Variants in LUZP2 observed in about 807,000 individuals in gnomAD.
LUZP2 encodes leucine zipper protein 2.
LUZP2 carries 52 observed loss-of-function variants against 51.6 expected under a neutral mutation model. That is an observed-to-expected ratio of 1.01 (90% CI 0.81 to 1.27). The LOEUF (loss-of-function observed/expected upper bound fraction) is 1.27, where lower values mean the gene tolerates loss of function less well. Ranked by LOEUF, LUZP2 falls within the 50% of genes most tolerant of loss-of-function variation. The probability of loss-of-function intolerance (pLI) is 0.00; values close to 1 mark genes in which losing one functional copy is unlikely to be tolerated. For missense variants in LUZP2, 436 were observed against 395.4 expected, an observed-to-expected ratio of 1.10 and a Z score of -0.87; for synonymous variants, 154 against 137.3, an observed-to-expected ratio of 1.12 and a Z score of -0.85.
intron 9 of LUZP2, among the ~76,000 whole-genome samples, chr11:24,990,986 A>G (rs1018129278): frequency 2.0e-5 from 3 of 151,540 alleles, no homozygotes; most frequent in African/African-American, 4.9e-5. Context: ...TTTTATTTCC[A>G]TAGGTTATTG....
At chr11:24,830,023 T>A (rs7938399) in intron 5 of LUZP2, among the ~76,000 whole-genome samples, 6,038 of 152,150 alleles carry the variant, frequency 0.04, 394 homozygotes, top group African/African-American at 0.14. Flanking sequence ...GTGAAATAGT[T>A]AAAAACTTAA....
intron 1 of LUZP2, among the ~76,000 whole-genome samples, chr11:24,683,831 T>A (rs1742879783): frequency 6.6e-6 from 1 of 152,152 alleles, no homozygotes; most frequent in South Asian, 2.1e-4. Context: ...AAATCTCAGT[T>A]CATGCTGTTT....
At chr11:25,046,194 A>G (rs1858300948) in intron 9 of LUZP2, among the ~76,000 whole-genome samples, 1 of 145,106 alleles carries the variant, frequency 6.9e-6, no homozygotes, top group Non-Finnish European at 1.5e-5. Context: ...AATGCTTGGG[A>G]TATACCATAC....
chr11:24,880,846 CTTAT>C (rs1241364396), intron 5 of LUZP2, among the ~76,000 whole-genome samples: 7 of 152,034 alleles, frequency 4.6e-5, no homozygotes, highest in African/African-American at 1.4e-4. Flanking sequence ...TTCAAATTTA[CTTAT>C]TTATTTATTT....
In LUZP2 at chr11:24,976,631, C is replaced by A. The variant is rs773673212; in HGVS notation, c.563C>A (p.Ala188Asp). 1.5e-5 allele frequency: 24 copies of A among 1,586,152 alleles called. No homozygotes were observed. The highest frequency in any genetic ancestry group is 2.1e-5 in the Non-Finnish European group (24 of 1,169,892). ...GATCTGGAACAAAAATTAGCTGTAG[C>A]CAAAAATGAACTGGAGAAAGCAGCT... ...LTDLEQKLAV[A>D]KNELEKAALD... The change falls in exon 8 of 12, where the codon GCC (alanine) becomes GAC (aspartate). Residue 188 changes from alanine to aspartate, a missense_variant. Ala to Asp is a moderately radical substitution (Grantham distance 126). Coordinates refer to ENST00000336930, the MANE Select transcript of LUZP2 (RefSeq NM_001009909.4).
At chr11:24,595,835 C>T (rs909456454) in intron 1 of LUZP2, among the ~76,000 whole-genome samples, 3 of 151,212 alleles carry the variant, frequency 2.0e-5, no homozygotes, top group East Asian at 3.9e-4. Flanking sequence ...TTTCAAGAAG[C>T]TTACATTCAA....
At chr11:24,599,410 C>G (rs898468153) in intron 1 of LUZP2, among the ~76,000 whole-genome samples, 1 of 152,132 alleles carries the variant, frequency 6.6e-6, no homozygotes, top group African/African-American at 2.4e-5. Context: ...CACTCATGCT[C>G]AAGTAGAATT....
intron 4 of LUZP2, among the ~76,000 whole-genome samples, chr11:24,749,522 C>T (rs1415616034): frequency 6.6e-6 from 1 of 152,098 alleles, no homozygotes; most frequent in Admixed American, 6.6e-5. Flanking sequence ...GAAAGACCTA[C>T]CCTCAATGTA....
intron 7 of LUZP2, among the ~76,000 whole-genome samples, chr11:24,972,988 T>C (rs1855787781): frequency 6.6e-6 from 1 of 151,708 alleles, no homozygotes; most frequent in South Asian, 2.1e-4. Flanking sequence ...TGTGATAGTT[T>C]TAGTAGAAAT....
chr11:24,731,712 T>C (rs1858719974), intron 2 of LUZP2, among the ~76,000 whole-genome samples: 1 of 151,776 alleles, frequency 6.6e-6, no homozygotes. Flanking sequence ...TCTTGAATTG[T>C]GTTATTTCCT....
At chr11:24,957,850 C>T (rs1223135689) in intron 7 of LUZP2, among the ~76,000 whole-genome samples, 4 of 152,112 alleles carry the variant, frequency 2.6e-5, no homozygotes, top group African/African-American at 9.7e-5. Context: ...GTGCACTGCA[C>T]CCACTAACTC....
intron 6 of LUZP2, among the ~76,000 whole-genome samples, chr11:24,912,415 C>G (rs1043713329): frequency 1.3e-5 from 2 of 152,104 alleles, no homozygotes; most frequent in Non-Finnish European, 2.9e-5. Flanking sequence ...CAAGTTTCCA[C>G]TTGAATCAAT....
At chr11:25,072,096 C>A (rs567388821) in intron 10 of LUZP2, among the ~76,000 whole-genome samples, 51 of 152,150 alleles carry the variant, frequency 3.4e-4, no homozygotes, top group African/African-American at 1.1e-3. Flanking sequence ...TATTGCAGAA[C>A]TTCCCCTGAT....
chr11:24,679,962 G>A (rs1856679271), intron 1 of LUZP2, among the ~76,000 whole-genome samples: 1 of 152,116 alleles, frequency 6.6e-6, no homozygotes, highest in African/African-American at 2.4e-5. Context: ...GCTATTCCTT[G>A]GATACCCTGC....
intron 1 of LUZP2, among the ~76,000 whole-genome samples, chr11:24,707,347 AT>A (rs1179510149): frequency 6.6e-6 from 1 of 151,472 alleles, no homozygotes; most frequent in Non-Finnish European, 1.5e-5. Context: ...TCTTTATAAT[AT>A]TTTAGGCCAA....
chr11:24,751,572 C>A, intron 4 of LUZP2: 5 of 982,496 alleles, frequency 5.1e-6, no homozygotes, highest in Non-Finnish European at 6.0e-6. Flanking sequence ...TAGTACCCAC[C>A]CCATCTCCCT....
intron 7 of LUZP2, among the ~76,000 whole-genome samples, chr11:24,974,725 C>T (rs141459732): frequency 1.6e-4 from 25 of 151,616 alleles, no homozygotes; most frequent in South Asian, 2.1e-4. Flanking sequence ...GATATCTAAA[C>T]GATAAGAAGA....
chr11:24,987,891 G>T (rs1043420668), intron 9 of LUZP2, among the ~76,000 whole-genome samples: 3 of 151,860 alleles, frequency 2.0e-5, no homozygotes, highest in African/African-American at 7.3e-5. Flanking sequence ...ATTATTATGG[G>T]CTTCAAAAAT....
At chr11:24,907,309 A>AC (rs1406028067) in intron 6 of LUZP2, among the ~76,000 whole-genome samples, 2 of 151,702 alleles carry the variant, frequency 1.3e-5, no homozygotes, top group East Asian at 3.9e-4. Context: ...CAAAAAAAAA[A>AC]AAAAAACATT....
Sources: gnomAD v4.1 joint callset for allele counts (sites outside exome capture counted in the v4.1 genomes callset) on GRCh38, gnomAD v4.1.1 for gene constraint, MANE v1.5 for transcripts, NCBI Gene and HGNC (gene_info 2026-07-23, HGNC 2026-07-21) for gene names.